Variants in OTUD7A observed in about 807,000 individuals in gnomAD.
The protein encoded by OTUD7A is OTU deubiquitinase 7A.
A neutral mutation model predicts 65.7 loss-of-function variants in OTUD7A; 12 were observed. That is an observed-to-expected ratio of 0.18 (90% CI 0.12 to 0.30). The LOEUF (loss-of-function observed/expected upper bound fraction) is 0.30. Among genes scored for constraint, OTUD7A ranks in the 10% least tolerant of loss-of-function variants. The pLI, the probability that OTUD7A is intolerant of heterozygous loss-of-function variation, is 1.00. For synonymous variants in OTUD7A, 641 were observed against 586.3 expected (o/e 1.09, Z -1.35); for missense variants, 1,148 against 1,304.8 (o/e 0.88, Z 1.85).
chr15:31,799,220 G>A (rs1896055336), intron 1 of OTUD7A, among the ~76,000 whole-genome samples: 1 of 152,192 alleles, frequency 6.6e-6, no homozygotes, highest in Non-Finnish European at 1.5e-5. Flanking sequence ...CGGGCCTGCA[G>A]GCCATGGAGA....
chr15:31,682,348 T>G (rs1267306694), intron 1 of OTUD7A, among the ~76,000 whole-genome samples: 1 of 152,186 alleles, frequency 6.6e-6, no homozygotes, highest in African/African-American at 2.4e-5. Context: ...GCAATCCCAG[T>G]CAACATTCCA....
At chr15:31,485,510 A>G (rs2041224834) in intron 12 of OTUD7A, among the ~76,000 whole-genome samples, 1 of 151,996 alleles carries the variant, frequency 6.6e-6, no homozygotes, top group Non-Finnish European at 1.5e-5. Context: ...CACTTCTTGG[A>G]TGAGACCCAC....
chr15:31,694,190 C>T (rs1376733884), intron 1 of OTUD7A, among the ~76,000 whole-genome samples: 1 of 152,116 alleles, frequency 6.6e-6, no homozygotes, highest in African/African-American at 2.4e-5. Context: ...TGGAGGGGGC[C>T]CACGCAGCGC....
intron 1 of OTUD7A, among the ~76,000 whole-genome samples, chr15:31,702,990 C>T (rs1398168847): frequency 1.3e-5 from 2 of 150,952 alleles, no homozygotes. Flanking sequence ...ATGGTCTTGG[C>T]AACAAATGGT....
At chr15:31,689,954 A>G (rs983031818) in intron 1 of OTUD7A, among the ~76,000 whole-genome samples, 6 of 152,056 alleles carry the variant, frequency 3.9e-5, no homozygotes, top group African/African-American at 1.2e-4. Flanking sequence ...AACCAGGTAC[A>G]CCCCATCTCG....
intron 5 of OTUD7A, among the ~76,000 whole-genome samples, chr15:31,549,325 A>T (rs1303240312): frequency 2.0e-5 from 3 of 152,170 alleles, no homozygotes; most frequent in Non-Finnish European, 2.9e-5. Context: ...AGCATAGAAG[A>T]ATTATCATAC....
chr15:31,655,031 A>G (rs1891947400), intron 3 of OTUD7A, 65 bp downstream of exon 3: 1 of 1,550,768 alleles, frequency 6.4e-7, no homozygotes, highest in Non-Finnish European at 8.7e-7. Flanking sequence ...GGTATTGGAA[A>G]TCTTCTTATT....
intron 1 of OTUD7A, among the ~76,000 whole-genome samples, chr15:31,714,614 C>T (rs2654045): frequency 3.3e-5 from 5 of 152,208 alleles, no homozygotes; most frequent in East Asian, 1.9e-4. Context: ...CAAAAATCTA[C>T]GGGCCATAAA....
intron 5 of OTUD7A, among the ~76,000 whole-genome samples, chr15:31,548,419 T>C (rs116246643): frequency 0.011 from 1,638 of 152,206 alleles, 27 homozygotes; most frequent in African/African-American, 0.037. Flanking sequence ...ATATTTGGAA[T>C]GGGTCACGTG....
At chr15:31,737,965 T>C (rs1157153717) in intron 1 of OTUD7A, among the ~76,000 whole-genome samples, 1 of 152,234 alleles carries the variant, frequency 6.6e-6, no homozygotes, top group African/African-American at 2.4e-5. Flanking sequence ...GTGTAGCTGG[T>C]AGTTTGTACA....
chr15:31,863,687 C>T (rs2141019743), intron 1 of OTUD7A, among the ~76,000 whole-genome samples: 1 of 152,332 alleles, frequency 6.6e-6, no homozygotes, highest in Non-Finnish European at 1.5e-5. Flanking sequence ...CCTCCTGGGC[C>T]TCCAGACCTG....
chr15:31,757,052 C>T (rs930192206), intron 1 of OTUD7A, among the ~76,000 whole-genome samples: 1 of 152,162 alleles, frequency 6.6e-6, no homozygotes, highest in African/African-American at 2.4e-5. Context: ...CACAGGCACA[C>T]ATCACATGGA....
At chr15:31,602,407 C>A (rs900274382) in intron 3 of OTUD7A, among the ~76,000 whole-genome samples, 17 of 152,196 alleles carry the variant, frequency 1.1e-4, no homozygotes, top group African/African-American at 4.1e-4. Context: ...TTCAACACCC[C>A]TTCATGGTAA....
Position 31,477,997 on chromosome 15 carries a change from C to CT in OTUD7A, c.*5296dup, listed in dbSNP as rs2041049523. The CT allele has an allele frequency of 6.6e-6, 1 of 152,056 alleles. No homozygotes were observed. The highest frequency in any genetic ancestry group is 2.1e-4 in the South Asian group (1 of 4,826). The allele number at this position is 152,056 out of a possible 1,614,324, so 9.4% of individuals were successfully genotyped here. A position where few individuals can be genotyped will look rare whatever the true frequency, so the allele number is the denominator to read the frequency against. ...AGGTAGTGAGGGGTGAACCATGTGG[C>CT]TCTCTGGGGAAGAATGTTCAGGTAG... On this transcript the variant is annotated 3_prime_UTR_variant, in exon 13 of 13. Coordinates refer to ENST00000307050, the MANE Select transcript of OTUD7A (RefSeq NM_001382637.1).
intron 8 of OTUD7A, among the ~76,000 whole-genome samples, chr15:31,509,918 T>A (rs1404501480): frequency 8.5e-6 from 1 of 117,714 alleles, no homozygotes; most frequent in Non-Finnish European, 1.9e-5. Context: ...TTTTTTCTAT[T>A]TTTTTTTCTT....
intron 8 of OTUD7A, among the ~76,000 whole-genome samples, chr15:31,507,634 T>TGGGGG: frequency 4.3e-5 from 3 of 69,458 alleles, no homozygotes; most frequent in African/African-American, 2.0e-4. Context: ...CGCTGCTGGC[T>TGGGGG]GGGGGGCGGG....
intron 3 of OTUD7A, among the ~76,000 whole-genome samples, chr15:31,581,953 C>T (rs1889385667): frequency 6.6e-6 from 1 of 152,206 alleles, no homozygotes; most frequent in Admixed American, 6.5e-5. Flanking sequence ...TTATGCTCTG[C>T]TTCCCTTTTC....
At chr15:31,601,924 T>C (rs1162961746) in intron 3 of OTUD7A, among the ~76,000 whole-genome samples, 3 of 152,182 alleles carry the variant, frequency 2.0e-5, no homozygotes, top group African/African-American at 7.2e-5. Context: ...AATCCCTGAA[T>C]AGACCAATAA....
chr15:31,674,178 G>A (rs1277689825), intron 1 of OTUD7A, among the ~76,000 whole-genome samples: 1 of 152,190 alleles, frequency 6.6e-6, no homozygotes, highest in Non-Finnish European at 1.5e-5. Flanking sequence ...GAGGATTAAG[G>A]AAAAGTGCAA....
Sources: allele counts gnomAD v4.1 joint callset (sites outside exome capture counted in the v4.1 genomes callset), GRCh38; gene constraint gnomAD v4.1.1; transcripts MANE v1.5; gene names NCBI Gene and HGNC (gene_info 2026-07-23, HGNC 2026-07-21).